Variants in ZDHHC13 observed in about 807,000 individuals in gnomAD.
ZDHHC13 encodes the protein zDHHC palmitoyltransferase 13.
ZDHHC13 carries 85 observed loss-of-function variants against 86.0 expected under a neutral mutation model. The ratio of observed to expected loss-of-function variants is 0.99; its 90% CI spans 0.83 to 1.18. The LOEUF is 1.18. ZDHHC13 is among the 50% of genes most tolerant of loss of function. The pLI is 0.00. For missense variants in ZDHHC13, 711 were observed against 730.2 expected (o/e 0.97, Z 0.30); for synonymous variants, 263 against 246.4 (o/e 1.07, Z -0.63).
chr11:19,158,803 A>G (rs533616159), intron 9 of ZDHHC13, 137 bp from the exon 10 acceptor site: 8 of 558,796 alleles, frequency 1.4e-5, no homozygotes, highest in Non-Finnish European at 2.4e-5. Context: ...AAAGTGACAC[A>G]TAGTAAGCAC....
At chr11:19,118,176 A>G (rs1848687581) in intron 1 of ZDHHC13, among the ~76,000 whole-genome samples, 1 of 152,210 alleles carries the variant, frequency 6.6e-6, no homozygotes. Flanking sequence ...CCATATACAG[A>G]TGAGAACGAA....
intron 1 of ZDHHC13, among the ~76,000 whole-genome samples, chr11:19,126,753 C>T (rs188101338): frequency 6.6e-6 from 1 of 151,860 alleles, no homozygotes; most frequent in East Asian, 1.9e-4. Flanking sequence ...GGGTAATAGC[C>T]TCCAGCTCCA....
At chr11:19,129,864 G>A (rs927033531) in intron 1 of ZDHHC13, among the ~76,000 whole-genome samples, 1 of 152,106 alleles carries the variant, frequency 6.6e-6, no homozygotes, top group Non-Finnish European at 1.5e-5. Context: ...AGGCCGAGGC[G>A]GGTGGATCAT....
intron 1 of ZDHHC13, among the ~76,000 whole-genome samples, chr11:19,127,865 G>T (rs1021419087): frequency 6.6e-6 from 1 of 152,132 alleles, no homozygotes; most frequent in Non-Finnish European, 1.5e-5. Context: ...CTATAGTATC[G>T]TTTGAAGTCA....
intron 1 of ZDHHC13, among the ~76,000 whole-genome samples, chr11:19,121,377 CT>C (rs1848756293): frequency 6.6e-6 from 1 of 152,188 alleles, no homozygotes; most frequent in African/African-American, 2.4e-5. Flanking sequence ...ATATCCCTAA[CT>C]AGAATATAAG....
At chr11:19,141,105 G>T (rs900469008) in intron 1 of ZDHHC13, among the ~76,000 whole-genome samples, 2 of 151,620 alleles carry the variant, frequency 1.3e-5, no homozygotes, top group Non-Finnish European at 2.9e-5. Context: ...TACTGATTCA[G>T]GGAGGTTTCT....
rs1554961794 is a variant in ZDHHC13 at position 19,133,920 on chromosome 11, C to CATATAT, written c.28-9040_28-9035dup. ...TTCTTTACTCTTTACGAAAGAAGTC[C>CATATAT]ATATATATATATATATATATATACA... is the stretch of plus-strand genomic sequence containing the variant. On this transcript the variant is annotated intron_variant, in intron 1 of 16. Transcript: ENST00000446113. 5.7e-3 allele frequency among the ~76,000 whole-genome samples: 478 copies of CATATAT among 83,428 alleles called. 21 individuals are homozygous for CATATAT. Among genetic ancestry groups the CATATAT allele is most frequent in the African/African-American group, 0.012 (307 of 26,008 alleles). The allele number at this position is 83,428 out of a possible 152,430, so 54.7% of individuals were successfully genotyped here.
chr11:19,146,482 C>T (rs1267582617), intron 3 of ZDHHC13, among the ~76,000 whole-genome samples, 179 bp downstream of exon 3: 4 of 152,094 alleles, frequency 2.6e-5, no homozygotes, highest in Admixed American at 2.6e-4. Flanking sequence ...AGAGACCATG[C>T]CTGGTTGATC....
At chr11:19,122,685 T>G (rs1848781723) in intron 1 of ZDHHC13, among the ~76,000 whole-genome samples, 1 of 152,172 alleles carries the variant, frequency 6.6e-6, no homozygotes, top group South Asian at 2.1e-4. Flanking sequence ...AGTAAAGCTT[T>G]CCTGCCAGCA....
At chr11:19,118,523 A>G (rs142927642) in intron 1 of ZDHHC13, among the ~76,000 whole-genome samples, 270 of 152,310 alleles carry the variant, frequency 1.8e-3, no homozygotes, top group Non-Finnish European at 3.1e-3. Context: ...AGGAGTAACT[A>G]TTATGTCTTA....
intron 14 of ZDHHC13, chr11:19,170,049 G>T: frequency 9.5e-7 from 1 of 1,052,978 alleles, no homozygotes; most frequent in Non-Finnish European, 1.1e-6. Flanking sequence ...TCCTGTAATA[G>T]ACCCATAGTT....
rs565112947 is a variant in ZDHHC13 at position 19,172,799 on chromosome 11, C to T, written c.1709C>T (p.Ser570Phe). 3 of 1,604,208 alleles carry T rather than the reference C, an allele frequency of 1.9e-6. No homozygotes were observed. In the South Asian group the frequency reaches 3.4e-5, roughly 18 times the overall value. Residue 570 changes from serine to phenylalanine, a missense_variant, in exon 16 of 17, where the codon TCC (serine) becomes TTC (phenylalanine). Ser to Phe is a radical substitution (Grantham distance 155). Transcript: ENST00000446113. ...KQSKHMKQTL[S>F]LRKTPYNLGF... ...AGCAAGCATATGAAACAGACGTTGT[C>T]CCTCAGGAAGACACCATACAAGTAA... is the stretch of plus-strand genomic sequence containing the variant.
At chr11:19,124,973 C>T (rs972948241) in intron 1 of ZDHHC13, among the ~76,000 whole-genome samples, 4 of 152,060 alleles carry the variant, frequency 2.6e-5, no homozygotes, top group Admixed American at 1.3e-4. Flanking sequence ...CTAGTTAAAG[C>T]TCAAGGAGCC....
At chr11:19,134,851 C>T (rs10766528) in intron 1 of ZDHHC13, among the ~76,000 whole-genome samples, 99,438 of 151,762 alleles carry the variant, frequency 0.66, 33,326 homozygotes, top group Admixed American at 0.76. Flanking sequence ...GAACTTAAAG[C>T]ATAATAAAAA....
intron 10 of ZDHHC13, among the ~76,000 whole-genome samples, chr11:19,160,971 C>A (rs972104988): frequency 2.6e-5 from 4 of 151,924 alleles, no homozygotes; most frequent in African/African-American, 9.7e-5. Context: ...ATTTTATTTG[C>A]TTGTACAACC....
At chr11:19,123,971 A>G (rs931593057) in intron 1 of ZDHHC13, among the ~76,000 whole-genome samples, 3 of 152,108 alleles carry the variant, frequency 2.0e-5, no homozygotes, top group African/African-American at 7.2e-5. Context: ...AATTGGGGAG[A>G]GTATTTGGTC....
intron 1 of ZDHHC13, among the ~76,000 whole-genome samples, chr11:19,133,378 CAT>C (rs781373005): frequency 2.9e-5 from 3 of 105,102 alleles, no homozygotes; most frequent in South Asian, 3.3e-4. Flanking sequence ...TACCCACACA[CAT>C]ATATATACAC....
At chr11:19,175,389 CAAAAAAAAAAAAAAA>C (rs58806796) in intron 16 of ZDHHC13, among the ~76,000 whole-genome samples, 1 of 56,368 alleles carries the variant, frequency 1.8e-5, no homozygotes, top group African/African-American at 6.2e-5. Context: ...GACTCCGTCT[CAAAAAAAAAAAAAAA>C]AAAAAAAAAA....
intron 13 of ZDHHC13, among the ~76,000 whole-genome samples, chr11:19,165,713 GCT>G (rs1291800191): frequency 6.6e-6 from 1 of 152,144 alleles, no homozygotes. Flanking sequence ...ATTTGTTGCT[GCT>G]CCTCAGTTTC....
Sources: allele counts gnomAD v4.1 joint callset (sites outside exome capture counted in the v4.1 genomes callset), GRCh38; gene constraint gnomAD v4.1.1; transcripts MANE v1.5; gene names NCBI Gene and HGNC (gene_info 2026-07-23, HGNC 2026-07-21).